The following TRA2A variants were observed in gnomAD, a reference collection of about 807,000 sequenced individuals.
TRA2A encodes transformer-2 protein homolog alpha.
Under a neutral mutation model 45.7 loss-of-function variants are expected in TRA2A, and 31 were observed. That is an observed-to-expected ratio of 0.68 (90% confidence interval 0.51 to 0.92). TRA2A has a LOEUF of 0.92. Among genes scored for constraint, TRA2A ranks in the 40% least tolerant of loss-of-function variants. The pLI, the probability that TRA2A is intolerant of heterozygous loss-of-function variation, is 0.00. For missense variants in TRA2A, 304 were observed against 367.5 expected (o/e 0.83, Z 1.41); for synonymous variants, 132 against 126.2 (o/e 1.05, Z -0.31).
intron 3 of TRA2A, among the ~76,000 whole-genome samples, chr7:23,513,623 C>T (rs1220761871): frequency 3.9e-5 from 6 of 152,058 alleles, no homozygotes; most frequent in African/African-American, 1.2e-4. Flanking sequence ...ATGTTTGTTT[C>T]TCGGTGTTGT....
intron 4 of TRA2A, among the ~76,000 whole-genome samples, chr7:23,512,249 C>T (rs1012604222): frequency 6.6e-6 from 1 of 152,146 alleles, no homozygotes; most frequent in African/African-American, 2.4e-5. Context: ...TGCCTGTAAA[C>T]CCAGCATTCT....
At chr7:23,513,754 T>C (rs1789734153) in intron 3 of TRA2A, among the ~76,000 whole-genome samples, 1 of 152,198 alleles carries the variant, frequency 6.6e-6, no homozygotes, top group African/African-American at 2.4e-5. Flanking sequence ...CAGGGTCATT[T>C]ATAATCTGAC....
chr7:23,505,950 A>T (rs949436928), intron 6 of TRA2A, 137 bp from the exon 7 acceptor site: 1 of 693,914 alleles, frequency 1.4e-6, no homozygotes, highest in East Asian at 2.7e-5. Flanking sequence ...CTTTCTGCCA[A>T]TGAGACCAGA....
At chr7:23,519,544 A>G (rs1790040895) in intron 2 of TRA2A, among the ~76,000 whole-genome samples, 1 of 151,992 alleles carries the variant, frequency 6.6e-6, no homozygotes, top group Non-Finnish European at 1.5e-5. Context: ...CAAGAGAGCA[A>G]GACTCCATCT....
rs1789399788 is a variant in TRA2A at position 23,507,552 on chromosome 7, C to A, written c.526-17G>T. ...TTCCATAGCCTATAAAGAACAGGCA[C>A]AAAAAGTCACGTATAATTCACCAGT... On this transcript the variant is annotated splice_polypyrimidine_tract_variant and intron_variant, in intron 4 of 7. Coordinates refer to ENST00000297071, the MANE Select transcript of TRA2A (RefSeq NM_013293.5). The A allele has an allele frequency of 6.4e-7, 1 of 1,553,876 alleles. No individual in the cohort carries two copies. The highest frequency in any genetic ancestry group is 8.9e-7 in the Non-Finnish European group (1 of 1,125,874).
intron 2 of TRA2A, among the ~76,000 whole-genome samples, chr7:23,519,509 TCACACCACTG>T (rs1729545215): frequency 6.6e-6 from 1 of 152,034 alleles, no homozygotes; most frequent in African/African-American, 2.4e-5. Context: ...TGAGCCAAGA[TCACACCACTG>T]CACTCCAGCC....
intron 5 of TRA2A, 47 bp from the exon 6 acceptor site, chr7:23,506,313 C>G: frequency 1.3e-6 from 2 of 1,498,438 alleles, no homozygotes; most frequent in South Asian, 2.5e-5. Flanking sequence ...TGACTATTTT[C>G]CAGGACACTT....
At chr7:23,529,813 T>C (rs1222697233) in intron 1 of TRA2A, among the ~76,000 whole-genome samples, 1 of 151,866 alleles carries the variant, frequency 6.6e-6, no homozygotes, top group East Asian at 1.9e-4. Context: ...AATAAATCTT[T>C]AATGCCTACA....
In TRA2A at chr7:23,505,460, A is replaced by G; in HGVS notation, c.*99T>C. 1 of 545,696 alleles carries G rather than the reference A, an allele frequency of 1.8e-6. No homozygotes were observed. Among genetic ancestry groups the G allele is most frequent in the Non-Finnish European group, 3.3e-6 (1 of 303,990 alleles). 33.8% of individuals were successfully genotyped at this position (545,696 alleles called of 1,614,324 possible). A position where few individuals can be genotyped will look rare whatever the true frequency, so the allele number is the denominator to read the frequency against. On this transcript the variant is annotated 3_prime_UTR_variant, in exon 8 of 8. Transcript: ENST00000297071. The stretch of plus-strand genomic sequence containing the variant: ...TAAATAAACCAAAGTTTTTTTCTTA[A>G]GGAGTAGGAAGAATCCACAGCTTGG...
intron 1 of TRA2A, chr7:23,522,370 T>G (rs1224001395): frequency 2.1e-5 from 26 of 1,266,350 alleles, no homozygotes; most frequent in Non-Finnish European, 2.7e-5. Flanking sequence ...TTAGCCTTCT[T>G]TTATCTTGAT....
At position 23,505,518 on chromosome 7, in the gene TRA2A, AAAG is replaced by A; in HGVS notation, c.*38_*40del. On this transcript the variant is annotated 3_prime_UTR_variant, in exon 8 of 8. Coordinates refer to ENST00000297071, the MANE Select transcript of TRA2A (RefSeq NM_013293.5). ...TCAGAATTAAAAAAAAAAAAAAAAA[AAAG>A]AGGAAAAAAAATGTCCTTAATTGCA... is the stretch of plus-strand genomic sequence containing the variant. 1.3e-5 allele frequency: 7 copies of A among 531,580 alleles called. No homozygotes were observed. The highest frequency in any genetic ancestry group is 6.1e-5 in the African/African-American group (3 of 49,528). 32.9% of individuals were successfully genotyped at this position (531,580 alleles called of 1,614,324 possible).
chr7:23,522,234 A>T, intron 1 of TRA2A: 2 of 1,111,086 alleles, frequency 1.8e-6, no homozygotes, highest in Non-Finnish European at 2.2e-6. Flanking sequence ...TACTTCGTGT[A>T]TTCTTCCCCA....
At chr7:23,514,498 T>C (rs1267569908) in intron 3 of TRA2A, among the ~76,000 whole-genome samples, 1 of 152,218 alleles carries the variant, frequency 6.6e-6, no homozygotes, top group Non-Finnish European at 1.5e-5. Flanking sequence ...TTTAATACCA[T>C]CTTTCTAGTT....
rs1789277749 is a variant in TRA2A at position 23,505,520 on chromosome 7, A to G, written c.*39T>C. ...AGAATTAAAAAAAAAAAAAAAAAAA[A>G]GAGGAAAAAAAATGTCCTTAATTGC... On this transcript the variant is annotated 3_prime_UTR_variant, in exon 8 of 8. Coordinates refer to ENST00000297071, the MANE Select transcript of TRA2A (RefSeq NM_013293.5). 2 of 507,138 alleles carry G rather than the reference A, an allele frequency of 3.9e-6. No homozygotes were observed. Among genetic ancestry groups the G allele is most frequent in the East Asian group, 3.3e-5 (1 of 30,068 alleles). The allele number at this position is 507,138 out of a possible 1,614,324, so 31.4% of individuals were successfully genotyped here.
chr7:23,512,970 A>G lies in TRA2A; in HGVS notation c.449T>C (p.Val150Ala). 6.2e-7 allele frequency: 1 copy of G among 1,614,080 alleles called. No individual in the cohort carries two copies. ...TCGCCCAGTTCGCTGATCATAAACC[A>G]CATTGACACCACTCAATGGTCCATA... ...SRYGPLSGVN[V>A]VYDQRTGRSR... The change falls in exon 4 of 8, where the codon GTG becomes GCG. Residue 150 changes from valine (V) to alanine (A), a missense_variant. Coordinates refer to ENST00000297071, the MANE Select transcript of TRA2A (RefSeq NM_013293.5).
chr7:23,523,483 A>G (rs774534151), intron 1 of TRA2A, among the ~76,000 whole-genome samples: 1 of 152,222 alleles, frequency 6.6e-6, no homozygotes, highest in Non-Finnish European at 1.5e-5. Flanking sequence ...ATTTCACACC[A>G]ATTTATTTAT....
intron 1 of TRA2A, among the ~76,000 whole-genome samples, chr7:23,529,347 G>A (rs1790471481): frequency 6.6e-6 from 1 of 152,008 alleles, no homozygotes; most frequent in Non-Finnish European, 1.5e-5. Context: ...GCGCAATTCC[G>A]CCTCCCAGGT....
intron 1 of TRA2A, among the ~76,000 whole-genome samples, chr7:23,530,959 A>G (rs544621219): frequency 6.6e-6 from 1 of 152,006 alleles, no homozygotes; most frequent in African/African-American, 2.4e-5. Context: ...CAGTTTTTAG[A>G]TGAAAGGTCA....
At chr7:23,513,173 C>A in intron 3 of TRA2A, 91 bp from the exon 4 acceptor site, 3 of 817,792 alleles carry the variant, frequency 3.7e-6, no homozygotes, top group Admixed American at 3.0e-5. Flanking sequence ...TCATCTAATA[C>A]ACAATAAATA....
Sources: allele counts gnomAD v4.1 joint callset (sites outside exome capture counted in the v4.1 genomes callset), GRCh38; gene constraint gnomAD v4.1.1; transcripts MANE v1.5; gene names NCBI Gene and HGNC (gene_info 2026-07-23, HGNC 2026-07-21).